PRCP: variants seen among roughly 807,000 people sequenced by gnomAD.
PRCP encodes the protein prolylcarboxypeptidase.
Under a neutral mutation model 54.2 loss-of-function variants are expected in PRCP, and 46 were observed. The ratio of observed to expected loss-of-function variants is 0.85; its 90% CI spans 0.67 to 1.09. PRCP has a LOEUF of 1.09. PRCP is among the 50% of genes least tolerant of loss of function. PRCP has a pLI of 0.00. For missense variants in PRCP, 613 were observed against 596.8 expected (o/e 1.03, Z -0.28); for synonymous variants, 240 against 212.2 (o/e 1.13, Z -1.14).
intron 1 of PRCP, among the ~76,000 whole-genome samples, chr11:82,872,229 C>T (rs192232971): frequency 2.6e-4 from 40 of 152,258 alleles, no homozygotes; most frequent in Admixed American, 1.0e-3. Context: ...TGAAACGTAT[C>T]CCCCGCGAAG....
At position 82,860,137 on chromosome 11, in the gene PRCP, AAACAT is replaced by A. The variant is rs766632615; in HGVS notation, c.169-25_169-21del. On this transcript the variant is annotated intron_variant, in intron 1 of 8. Transcript: ENST00000313010. ...ATCAACCTGTGATAAAAACAAAACA[AAACAT>A]ATTTCAAAGGAAAGTAATAAAATGA... The A allele has an allele frequency of 8.3e-6, 12 of 1,437,938 alleles. 1 individual carries two copies. The Admixed American group carries it at 2.9e-4, about 34-fold the overall frequency. The allele number at this position is 1,437,938 out of a possible 1,614,324, so 89.1% of individuals were successfully genotyped here. A position where few individuals can be genotyped will look rare whatever the true frequency, so the allele number is the denominator to read the frequency against.
chr11:82,859,813 T>C (rs1329982213), intron 2 of PRCP, among the ~76,000 whole-genome samples, 164 bp downstream of exon 2: 1 of 152,164 alleles, frequency 6.6e-6, no homozygotes, highest in Non-Finnish European at 1.5e-5. Flanking sequence ...TTCATGTGCT[T>C]TTGCTATTTT....
upstream of PRCP, chr11:82,900,589 AT>A: frequency 1.3e-6 from 1 of 772,050 alleles, no homozygotes; most frequent in East Asian, 2.7e-5. Flanking sequence ...CTCCGCCCCC[AT>A]CCCCGAGGAC....
At chr11:82,848,197 G>C (rs963757426) in intron 6 of PRCP, among the ~76,000 whole-genome samples, 5 of 152,080 alleles carry the variant, frequency 3.3e-5, no homozygotes, top group African/African-American at 1.2e-4. Context: ...CTGAAGAGTT[G>C]GTTATATTCT....
At chr11:82,871,898 T>C (rs1210805461) in intron 1 of PRCP, among the ~76,000 whole-genome samples, 2 of 152,206 alleles carry the variant, frequency 1.3e-5, no homozygotes, top group Admixed American at 1.3e-4. Context: ...AGTGCCTTGC[T>C]CATCACTGGC....
chr11:82,835,169 C>A (rs1858489917), intron 8 of PRCP, among the ~76,000 whole-genome samples: 1 of 152,068 alleles, frequency 6.6e-6, no homozygotes. Context: ...TGTAACAAAC[C>A]TGCACATCCT....
chr11:82,863,219 T>C (rs758088409), intron 1 of PRCP, among the ~76,000 whole-genome samples: 3 of 152,230 alleles, frequency 2.0e-5, no homozygotes, highest in Non-Finnish European at 4.4e-5. Flanking sequence ...AACCACTGAG[T>C]TAGAATAAGC....
chr11:82,843,965 C>T (rs1413279162), intron 6 of PRCP, among the ~76,000 whole-genome samples: 2 of 142,916 alleles, frequency 1.4e-5, no homozygotes, highest in African/African-American at 5.2e-5. Context: ...GTTATGCTAT[C>T]AGCACATTAC....
At chr11:82,841,274 A>G (rs1411590308) in intron 6 of PRCP, among the ~76,000 whole-genome samples, 1 of 151,586 alleles carries the variant, frequency 6.6e-6, no homozygotes, top group Admixed American at 6.6e-5. Context: ...GGGGGAAAAA[A>G]AAAAAAAGGA....
At chr11:82,848,044 T>C (rs1392068022) in intron 6 of PRCP, among the ~76,000 whole-genome samples, 2 of 152,144 alleles carry the variant, frequency 1.3e-5, no homozygotes, top group Non-Finnish European at 2.9e-5. Flanking sequence ...TGAAGAAAAA[T>C]AATAGCAAAT....
chr11:82,891,877 C>G (rs560609826), intron 1 of PRCP, among the ~76,000 whole-genome samples: 4 of 152,278 alleles, frequency 2.6e-5, no homozygotes, highest in Admixed American at 2.6e-4. Context: ...ATCACATTGT[C>G]AGAATACTTT....
intron 3 of PRCP, 107 bp from the exon 4 acceptor site, chr11:82,850,612 T>C (rs1407783506): frequency 4.5e-5 from 41 of 902,272 alleles, no homozygotes; most frequent in Non-Finnish European, 6.2e-5. Flanking sequence ...TTTCTCTAAA[T>C]AGAATTTCTA....
At chr11:82,851,678 C>T (rs1858959726) in intron 3 of PRCP, among the ~76,000 whole-genome samples, 1 of 151,852 alleles carries the variant, frequency 6.6e-6, no homozygotes, top group South Asian at 2.1e-4. Context: ...GTTTGAAGTA[C>T]ATCTTTACTA....
Position 82,867,377 on chromosome 11 carries a change from T to A in PRCP, c.169-7260A>T, listed in dbSNP as rs933873349. Among the ~76,000 whole-genome samples the A allele has an allele frequency of 1.1e-3, 162 of 152,192 alleles. 9 individuals carry two copies. Among genetic ancestry groups the A allele is most frequent in the Non-Finnish European group, 4.4e-5 (3 of 68,024 alleles). ...AAAATGCTGTGAAACCAAAACACTC[T>A]TTGCTTTACTGCTAAAACAGAGGTG... On this transcript the variant is annotated intron_variant, in intron 1 of 8. Transcript: ENST00000313010.
intron 2 of PRCP, among the ~76,000 whole-genome samples, chr11:82,856,672 C>T (rs1357734021): frequency 6.8e-6 from 1 of 146,604 alleles, no homozygotes; most frequent in African/African-American, 2.7e-5. Context: ...ACATGTACCC[C>T]CTGAACCTAA....
chr11:82,854,780 A>G (rs1859041795), intron 2 of PRCP, among the ~76,000 whole-genome samples: 1 of 152,260 alleles, frequency 6.6e-6, no homozygotes, highest in Non-Finnish European at 1.5e-5. Context: ...CTATACTGCA[A>G]GGCTACAATA....
In PRCP at chr11:82,825,127, A is replaced by G; in HGVS notation, c.1275-5T>C. ...CAGGGGTCTAGTTCACCATTGCTGC[A>G]AGTGAAAAAAAGAAGAAAAAATAAA... On this transcript the variant is annotated splice_region_variant and splice_polypyrimidine_tract_variant and intron_variant, in intron 8 of 8. Transcript: ENST00000313010. The G allele has an allele frequency of 6.2e-7, 1 of 1,607,078 alleles. No homozygotes were observed. Among genetic ancestry groups the G allele is most frequent in the Non-Finnish European group, 8.5e-7 (1 of 1,176,190 alleles).
At chr11:82,829,068 A>C (rs887868264) in intron 8 of PRCP, 1 of 152,166 alleles carries the variant, frequency 6.6e-6, no homozygotes, top group African/African-American at 2.4e-5. Flanking sequence ...ACCCTGATCC[A>C]AGTCACCATT....
At chr11:82,861,224 A>C (rs1327610856) in intron 1 of PRCP, among the ~76,000 whole-genome samples, 1 of 152,178 alleles carries the variant, frequency 6.6e-6, no homozygotes, top group Admixed American at 6.5e-5. Flanking sequence ...ACTGTGTTTG[A>C]TGGCTACGAA....
Sources: gnomAD v4.1 joint callset for allele counts (sites outside exome capture counted in the v4.1 genomes callset) on GRCh38, gnomAD v4.1.1 for gene constraint, MANE v1.5 for transcripts, NCBI Gene and HGNC (gene_info 2026-07-23, HGNC 2026-07-21) for gene names.